Variants in MPHOSPH8 observed in about 807,000 individuals in gnomAD.
The protein encoded by MPHOSPH8 is M-phase phosphoprotein, mpp.
Under a neutral mutation model 87.3 loss-of-function variants are expected in MPHOSPH8, and 45 were observed. That is an observed-to-expected ratio of 0.52 (90% CI 0.41 to 0.66). The LOEUF (loss-of-function observed/expected upper bound fraction) is 0.66, where lower values mean the gene tolerates loss of function less well. Ranked by LOEUF, MPHOSPH8 falls within the 30% of genes least tolerant of loss-of-function variation. The pLI, the probability that MPHOSPH8 is intolerant of heterozygous loss-of-function variation, is 0.00. For synonymous variants in MPHOSPH8, 366 were observed against 376.9 expected, an observed-to-expected ratio of 0.97 and a Z score of 0.33; for missense variants, 883 against 1,020.2, an observed-to-expected ratio of 0.87 and a Z score of 1.83.
intron 5 of MPHOSPH8, among the ~76,000 whole-genome samples, chr13:19,654,789 A>C (rs1313045739): frequency 1.3e-5 from 2 of 152,250 alleles, no homozygotes; most frequent in South Asian, 2.1e-4. Flanking sequence ...TCTCTACTAA[A>C]AATACAAAAT....
At position 19,661,741 on chromosome 13, in the gene MPHOSPH8, G is replaced by A. The variant is rs367691892; in HGVS notation, c.1835G>A (p.Gly612Glu). ...CTGGTGATGCTTGCCGCCGCCGGAG[G>A]GCAGGACGACCTCCTGCGACTCCTC... ...MTLVMLAAAGGQDDLLRLLIT... is the reference protein window; with the variant it reads ...MTLVMLAAAGEQDDLLRLLIT... The change falls in exon 8 of 14, where the codon GGG (glycine) becomes GAG (glutamate). Residue 612 changes from glycine to glutamate, a missense_variant. Around this residue, in one of 3 missense-constraint regions of MPHOSPH8, gnomAD observed 741 missense variants for 841.5 expected, o/e 0.88. Coordinates refer to ENST00000361479, the MANE Select transcript of MPHOSPH8 (RefSeq NM_017520.4). The A allele has an allele frequency of 9.3e-6, 15 of 1,611,710 alleles. No individual in the cohort carries two copies. Among genetic ancestry groups the A allele is most frequent in the Non-Finnish European group, 1.2e-5 (14 of 1,178,652 alleles).
intron 7 of MPHOSPH8, among the ~76,000 whole-genome samples, chr13:19,660,473 G>A (rs1875466465): frequency 1.3e-5 from 2 of 151,872 alleles, no homozygotes; most frequent in Admixed American, 1.3e-4. Flanking sequence ...GATTTTTTAG[G>A]TTTAATCCTT....
chr13:19,641,754 C>T (rs917737244), intron 1 of MPHOSPH8, among the ~76,000 whole-genome samples: 6 of 152,018 alleles, frequency 3.9e-5, no homozygotes, highest in African/African-American at 1.4e-4. Flanking sequence ...CCTCGGCCTC[C>T]CAAAATGCTG....
At chr13:19,634,135 C>T (rs573653619) in intron 1 of MPHOSPH8, among the ~76,000 whole-genome samples, 174 bp downstream of exon 1, 6 of 152,166 alleles carry the variant, frequency 3.9e-5, no homozygotes, top group Non-Finnish European at 8.8e-5. Flanking sequence ...CAACTGCACT[C>T]TTAGGGCTGA....
chr13:19,645,997 CTG>C (rs1874543772), intron 2 of MPHOSPH8, among the ~76,000 whole-genome samples: 1 of 152,114 alleles, frequency 6.6e-6, no homozygotes, highest in Admixed American at 6.5e-5. Flanking sequence ...CTGTACATAA[CTG>C]TCAAACGTAG....
chr13:19,643,760 T>C (rs950229999), intron 2 of MPHOSPH8, among the ~76,000 whole-genome samples: 1 of 152,110 alleles, frequency 6.6e-6, no homozygotes, highest in Middle Eastern at 3.2e-3. Context: ...TACCAGCCCC[T>C]GTGTCCTGGC....
chr13:19,665,838 G>T (rs961812372), intron 9 of MPHOSPH8, among the ~76,000 whole-genome samples: 3 of 152,232 alleles, frequency 2.0e-5, no homozygotes, highest in Non-Finnish European at 4.4e-5. Flanking sequence ...ACAGAGACAA[G>T]GAGACAGTCT....
At chr13:19,639,213 G>A (rs1232121672) in intron 1 of MPHOSPH8, among the ~76,000 whole-genome samples, 2 of 152,090 alleles carry the variant, frequency 1.3e-5, no homozygotes, top group African/African-American at 4.8e-5. Flanking sequence ...CCATCTGGAG[G>A]TCTGGTTGGC....
chr13:19,642,388 T>A, intron 2 of MPHOSPH8, 118 bp downstream of exon 2: 1 of 886,256 alleles, frequency 1.1e-6, no homozygotes, highest in Non-Finnish European at 1.6e-6. Flanking sequence ...TTCTTTAGTG[T>A]AAATTCCATG....
Position 19,671,861 on chromosome 13 carries a change from G to C in MPHOSPH8, c.2569G>C (p.Val857Leu), listed in dbSNP as rs541458851. 1 of 1,614,156 alleles carries C rather than the reference G, an allele frequency of 6.2e-7. No individual in the cohort carries two copies. The highest frequency in any genetic ancestry group is 1.1e-5 in the South Asian group (1 of 91,088). Residue 857 changes from valine to leucine, a missense_variant, in exon 14 of 14, where the codon GTG (valine) becomes CTG (leucine). Transcript: ENST00000361479. ...KVKLLIGAYR[V>L]QLQ is the part of the protein sequence containing the mutation. ...TAAGTTGCTAATAGGTGCATACAGA[G>C]TGCAGCTGCAGTGACCAAACAGAAG...
Position 19,671,907 on chromosome 13 carries a change from C to T in MPHOSPH8, c.*32C>T, listed in dbSNP as rs749970414. ...AGAAGGGACTGGGCGGAGTTCTCTT[C>T]AGACCGATTCCTATACTCTCTTTGA... On this transcript the variant is annotated 3_prime_UTR_variant, in exon 14 of 14. Coordinates refer to ENST00000361479, the MANE Select transcript of MPHOSPH8 (RefSeq NM_017520.4). 1.2e-6 allele frequency: 2 copies of T among 1,606,250 alleles called. No homozygotes were observed. Among genetic ancestry groups the T allele is most frequent in the East Asian group, 2.2e-5 (1 of 44,832 alleles).
Position 19,646,293 on chromosome 13 carries a change from C to T in MPHOSPH8, c.370-150C>T, listed in dbSNP as rs932009619. The T allele has an allele frequency of 2.8e-5, 17 of 615,096 alleles. No individual in the cohort carries two copies. The African/African-American group carries it at 3.1e-4, about 11-fold the overall frequency. The allele number at this position is 615,096 out of a possible 1,614,324, so 38.1% of individuals were successfully genotyped here. ...TTTGCTGAGTCAGAGATAGAGGTAG[C>T]ATACGATTTCAGCTTAGGTAAGCAG... On this transcript the variant is annotated intron_variant, in intron 2 of 13. Transcript: ENST00000361479.
chr13:19,635,313 G>A (rs1238716044), intron 1 of MPHOSPH8, among the ~76,000 whole-genome samples: 1 of 152,168 alleles, frequency 6.6e-6, no homozygotes. Flanking sequence ...GAGGTCAGGG[G>A]TTCGAGACCA....
chr13:19,671,567 T>C (rs1216106421), intron 13 of MPHOSPH8, among the ~76,000 whole-genome samples: 6 of 152,182 alleles, frequency 3.9e-5, no homozygotes, highest in Non-Finnish European at 8.8e-5. Flanking sequence ...AGTTGCCAAA[T>C]GTATGTCTTT....
intron 5 of MPHOSPH8, among the ~76,000 whole-genome samples, chr13:19,657,683 C>T (rs1011159621): frequency 1.3e-5 from 2 of 152,208 alleles, no homozygotes; most frequent in African/African-American, 4.8e-5. Context: ...ATCTGAGCTG[C>T]AGCTCAGCCT....
At position 19,650,247 on chromosome 13, in the gene MPHOSPH8, A is replaced by G. The variant is rs9578176; in HGVS notation, c.1563A>G (p.Ala521=). 0.079 allele frequency: 127,779 copies of G among 1,612,660 alleles called. 5,776 individuals carry two copies. The highest frequency in any genetic ancestry group is 0.18 in the African/African-American group (13,666 of 74,906). The change falls in exon 5 of 14, where the codon GCA becomes GCG. Residue 521 remains alanine (A), a synonymous_variant. Coordinates refer to ENST00000361479, the MANE Select transcript of MPHOSPH8 (RefSeq NM_017520.4). ...DQEVLDSVCQ[A]DENSDGRQQI... is the part of the protein sequence containing the mutation. ...AGGTTTTAGACAGCGTGTGCCAAGC[A>G]GATGAGAATTCAGGTGAGTTTGGAA...
intron 11 of MPHOSPH8, among the ~76,000 whole-genome samples, chr13:19,668,875 T>C (rs1201139440): frequency 1.3e-5 from 2 of 152,216 alleles, no homozygotes; most frequent in Middle Eastern, 3.4e-3. Context: ...AAGAAAAAAA[T>C]AGTCTTGCTC....
At chr13:19,665,625 G>A (rs748881123) in intron 9 of MPHOSPH8, among the ~76,000 whole-genome samples, 6 of 152,206 alleles carry the variant, frequency 3.9e-5, no homozygotes, top group African/African-American at 7.2e-5. Flanking sequence ...GGATGACACC[G>A]TTGTCGGGGT....
At chr13:19,649,852 A>G in intron 4 of MPHOSPH8, 151 bp from the exon 5 acceptor site, 1 of 701,086 alleles carries the variant, frequency 1.4e-6, no homozygotes, top group Non-Finnish European at 2.3e-6. Context: ...TGTGGCTTTG[A>G]CAGTAAATCA....
Sources: allele counts gnomAD v4.1 joint callset (sites outside exome capture counted in the v4.1 genomes callset), GRCh38; gene constraint gnomAD v4.1.1; regional missense constraint gnomAD v4.1.1; transcripts MANE v1.5; gene names NCBI Gene and HGNC (gene_info 2026-07-23, HGNC 2026-07-21).